KCNH5: variants seen among roughly 807,000 people sequenced by gnomAD.
KCNH5 encodes the protein potassium voltage-gated channel subfamily H member 5.
Under a neutral mutation model 96.1 loss-of-function variants are expected in KCNH5, and 46 were observed. That is an observed-to-expected ratio of 0.48 (90% CI 0.38 to 0.61). The LOEUF (loss-of-function observed/expected upper bound fraction) is 0.61. KCNH5 is among the 20% of genes least tolerant of loss of function. KCNH5 has a pLI of 0.00. For missense variants in KCNH5, 907 were observed against 1,225.8 expected (o/e 0.74, Z 3.88); for synonymous variants, 439 against 449.8 (o/e 0.98, Z 0.30).
rs1451767141 is a variant in KCNH5 at position 62,705,982 on chromosome 14, T to G, written c.*1526A>C. Reference sequence around the variant, plus strand: ...CCCATATTAAATGCTGTGCATGCACTGACTGAAAAGTATGCTTCCCTGAAC... The same window carrying G: ...CCCATATTAAATGCTGTGCATGCACGGACTGAAAAGTATGCTTCCCTGAAC... On this transcript the variant is annotated 3_prime_UTR_variant, in exon 11 of 11. Transcript: ENST00000322893. 6.6e-6 allele frequency: 1 copy of G among 152,136 alleles called. No homozygotes were observed. The highest frequency in any genetic ancestry group is 1.5e-5 in the Non-Finnish European group (1 of 67,960). The allele number at this position is 152,136 out of a possible 1,614,324, so 9.4% of individuals were successfully genotyped here. A position where few individuals can be genotyped will look rare whatever the true frequency, so the allele number is the denominator to read the frequency against.
chr14:62,810,656 T>C (rs117302504), intron 8 of KCNH5, among the ~76,000 whole-genome samples: 25 of 152,174 alleles, frequency 1.6e-4, no homozygotes, highest in Non-Finnish European at 3.1e-4. Context: ...AGTTTACAAA[T>C]GCGATGTCAA....
chr14:62,790,246 G>T, intron 9 of KCNH5, among the ~76,000 whole-genome samples: 1 of 151,726 alleles, frequency 6.6e-6, no homozygotes, highest in Non-Finnish European at 1.5e-5. Flanking sequence ...TCTCTGTTCT[G>T]TTCTACTGCT....
Position 62,952,502 on chromosome 14 carries a change from A to G in KCNH5, c.943-1943T>C, listed in dbSNP as rs570679318. On this transcript the variant is annotated intron_variant, in intron 6 of 10. Transcript: ENST00000322893. Reference sequence around the variant, plus strand: ...CCTCACTTCTGCTCTAAAGAAACGCATAATCGAAATACATGAAAAACTCAA... The same window carrying G: ...CCTCACTTCTGCTCTAAAGAAACGCGTAATCGAAATACATGAAAAACTCAA... Among the ~76,000 whole-genome samples, 29 of 152,312 alleles carry G rather than the reference A, an allele frequency of 1.9e-4. No individual in the cohort carries two copies. The East Asian group carries it at 4.8e-3, about 25-fold the overall frequency.
intron 10 of KCNH5, among the ~76,000 whole-genome samples, chr14:62,773,289 T>C (rs1886028938): frequency 6.6e-6 from 1 of 152,210 alleles, no homozygotes; most frequent in Non-Finnish European, 1.5e-5. Flanking sequence ...ACAAGACGCA[T>C]CCTTGTTCTA....
At chr14:62,820,584 T>A (rs1005699196) in intron 8 of KCNH5, among the ~76,000 whole-genome samples, 8 of 152,156 alleles carry the variant, frequency 5.3e-5, no homozygotes, top group African/African-American at 1.9e-4. Flanking sequence ...AGTGAGAACA[T>A]GCAGTATTTG....
At chr14:62,963,121 G>A (rs1184987588) in intron 6 of KCNH5, among the ~76,000 whole-genome samples, 1 of 152,116 alleles carries the variant, frequency 6.6e-6, no homozygotes, top group Non-Finnish European at 1.5e-5. Flanking sequence ...GGTGAGTATA[G>A]TAACAATGAG....
chr14:62,978,702 A>G (rs2139565710), intron 6 of KCNH5, among the ~76,000 whole-genome samples: 1 of 152,048 alleles, frequency 6.6e-6, no homozygotes, highest in Admixed American at 6.5e-5. Context: ...ATAAATGTAT[A>G]AATAAAAGTA....
chr14:62,778,632 A>C (rs958239921), intron 10 of KCNH5, among the ~76,000 whole-genome samples: 2 of 152,228 alleles, frequency 1.3e-5, no homozygotes, highest in Non-Finnish European at 2.9e-5. Flanking sequence ...CATAATATTC[A>C]CATCTAACTA....
intron 8 of KCNH5, among the ~76,000 whole-genome samples, chr14:62,803,721 A>G (rs1886710772): frequency 6.6e-6 from 1 of 152,186 alleles, no homozygotes; most frequent in Admixed American, 6.5e-5. Flanking sequence ...AATGGACATT[A>G]TCATCATATT....
chr14:62,999,368 C>G (rs1266102959), intron 4 of KCNH5, among the ~76,000 whole-genome samples: 1 of 152,074 alleles, frequency 6.6e-6, no homozygotes, highest in Non-Finnish European at 1.5e-5. Context: ...CCTTCGCCCA[C>G]TTTTTGATGG....
At chr14:62,896,672 T>C (rs1477178812) in intron 7 of KCNH5, among the ~76,000 whole-genome samples, 1 of 152,202 alleles carries the variant, frequency 6.6e-6, no homozygotes, top group Admixed American at 6.5e-5. Context: ...TGCTTTTTTT[T>C]CTTTATAGGT....
chr14:62,882,172 A>G (rs1888507200), intron 7 of KCNH5, among the ~76,000 whole-genome samples: 2 of 150,184 alleles, frequency 1.3e-5, no homozygotes, highest in Admixed American at 1.3e-4. Context: ...CTACTTGGGA[A>G]GCTGAGGCTT....
At chr14:62,859,386 G>A (rs559922112) in intron 7 of KCNH5, among the ~76,000 whole-genome samples, 6 of 152,238 alleles carry the variant, frequency 3.9e-5, no homozygotes, top group South Asian at 2.1e-4. Flanking sequence ...GGGCGATGAC[G>A]GGGTGGCTGG....
intron 6 of KCNH5, among the ~76,000 whole-genome samples, chr14:62,974,005 T>G (rs968742724): frequency 5.3e-5 from 8 of 152,166 alleles, no homozygotes; most frequent in South Asian, 2.1e-4. Context: ...TTAACGTAAT[T>G]ATACAGGATA....
chr14:62,734,676 A>G (rs1885120656), intron 10 of KCNH5, among the ~76,000 whole-genome samples: 2 of 152,170 alleles, frequency 1.3e-5, no homozygotes, highest in Middle Eastern at 3.4e-3. Context: ...TAATCTCTCA[A>G]AGAATTTAAA....
intron 7 of KCNH5, among the ~76,000 whole-genome samples, chr14:62,894,243 C>T (rs544358321): frequency 6.6e-6 from 1 of 152,278 alleles, no homozygotes; most frequent in South Asian, 2.1e-4. Context: ...TATAATATCT[C>T]TGAGATACGT....
At chr14:62,930,291 T>C (rs1213695964) in intron 7 of KCNH5, among the ~76,000 whole-genome samples, 1 of 152,108 alleles carries the variant, frequency 6.6e-6, no homozygotes. Context: ...ACCATGATGA[T>C]TTTCATTAGT....
intron 7 of KCNH5, among the ~76,000 whole-genome samples, chr14:62,924,459 C>T (rs756073864): frequency 3.3e-5 from 5 of 151,824 alleles, no homozygotes; most frequent in Non-Finnish European, 7.4e-5. Flanking sequence ...TCCAGCAATC[C>T]CACTTCTGGG....
chr14:62,732,795 T>C (rs774944688), intron 10 of KCNH5, among the ~76,000 whole-genome samples: 2 of 152,136 alleles, frequency 1.3e-5, no homozygotes, highest in African/African-American at 2.4e-5. Flanking sequence ...CTCCTAGAGA[T>C]GTCTCCATGG....
Sources: gnomAD v4.1 joint callset for allele counts (sites outside exome capture counted in the v4.1 genomes callset) on GRCh38, gnomAD v4.1.1 for gene constraint, MANE v1.5 for transcripts, NCBI Gene and HGNC (gene_info 2026-07-23, HGNC 2026-07-21) for gene names.